The following NRG3 variants were observed in gnomAD, a reference collection of about 807,000 sequenced individuals.
The protein encoded by NRG3 is neuregulin 3.
NRG3 carries 31 observed loss-of-function variants against 66.9 expected under a neutral mutation model. The ratio of observed to expected loss-of-function variants is 0.46; its 90% CI spans 0.35 to 0.63. NRG3 has a LOEUF of 0.63. Among genes scored for constraint, NRG3 ranks in the 20% least tolerant of loss-of-function variants. The probability of loss-of-function intolerance (pLI) is 0.00; values close to 1 mark genes in which losing one functional copy is unlikely to be tolerated. For synonymous variants in NRG3, 393 were observed against 359.4 expected (o/e 1.09, Z -1.06); for missense variants, 910 against 878.9 (o/e 1.04, Z -0.45).
At position 81,875,782 on chromosome 10, in the gene NRG3, TC is replaced by T; in HGVS notation, c.444del (p.Arg149GlyfsTer10). The T allele has an allele frequency of 6.2e-7, 1 of 1,611,084 alleles. No homozygotes were observed. On this transcript the variant is annotated frameshift_variant, in exon 1 of 9. Transcript: ENST00000372141. LOFTEE classifies it high-confidence loss of function. This position sits in a 1 kb window ranked among gnomAD's most constrained non-coding sequence, Gnocchi z 5.3. The part of the protein sequence containing the change: ...ATPSAGGAAS[S>X]RTPNRISTRL... Reference sequence around the variant, plus strand: ...CCCCTCCGCCGGGGGTGCCGCCTCCTCCAGGACGCCCAACCGGATTAGCACT... The same window carrying T: ...CCCCTCCGCCGGGGGTGCCGCCTCCTCAGGACGCCCAACCGGATTAGCACT...
chr10:82,925,004 C>T (rs944322958), intron 4 of NRG3, among the ~76,000 whole-genome samples: 8 of 152,168 alleles, frequency 5.3e-5, no homozygotes, highest in Non-Finnish European at 1.2e-4. Flanking sequence ...ATGCCAGACA[C>T]AATGCTGAAA....
intron 1 of NRG3, among the ~76,000 whole-genome samples, chr10:82,282,317 T>C (rs1166176379): frequency 1.3e-5 from 2 of 152,088 alleles, no homozygotes; most frequent in Non-Finnish European, 2.9e-5. Context: ...AGGGTTTAGC[T>C]GACCTCTGGG....
intron 1 of NRG3, among the ~76,000 whole-genome samples, chr10:82,019,194 C>T (rs1201073176): frequency 6.6e-6 from 1 of 152,098 alleles, no homozygotes; most frequent in Non-Finnish European, 1.5e-5. Context: ...TTGAGATAAT[C>T]ATGTGGTTTT....
chr10:82,726,765 G>A (rs907143737), intron 2 of NRG3, among the ~76,000 whole-genome samples: 4 of 152,122 alleles, frequency 2.6e-5, no homozygotes, highest in African/African-American at 9.7e-5. Flanking sequence ...ACAAGCAGAG[G>A]TTGGAACAGT....
At chr10:82,899,841 G>A (rs3862554) in intron 4 of NRG3, among the ~76,000 whole-genome samples, 45,264 of 151,974 alleles carry the variant, frequency 0.3, 7,065 homozygotes, top group East Asian at 0.54. Flanking sequence ...AATAGTAGAA[G>A]GTAGAAGAAA....
chr10:82,692,460 C>T (rs2055013337), intron 2 of NRG3, among the ~76,000 whole-genome samples: 1 of 152,054 alleles, frequency 6.6e-6, no homozygotes, highest in Admixed American at 6.5e-5. Flanking sequence ...GTCTCAAGAC[C>T]AGGAAGAATT....
At chr10:81,980,083 T>C (rs2060278673) in intron 1 of NRG3, among the ~76,000 whole-genome samples, 1 of 152,254 alleles carries the variant, frequency 6.6e-6, no homozygotes. Context: ...TGAGTAAGGA[T>C]GTGATCTCAT....
Position 82,697,196 on chromosome 10 carries a change from A to G in NRG3, c.954-41381A>G, listed in dbSNP as rs78884343. ...TACTTACACCACTTTTTGTTGTTGA[A>G]TTCAATTGGCATAAAATGACAACAC... On this transcript the variant is annotated intron_variant, in intron 2 of 8. Coordinates refer to ENST00000372141, the MANE Select transcript of NRG3 (RefSeq NM_001010848.4). Among the ~76,000 whole-genome samples, 393 of 152,326 alleles carry G rather than the reference A, an allele frequency of 2.6e-3. 1 individual carries two copies. The highest frequency in any genetic ancestry group is 8.6e-3 in the African/African-American group (358 of 41,580).
At chr10:82,676,783 CTATT>C (rs1469018319) in intron 2 of NRG3, among the ~76,000 whole-genome samples, 1 of 151,874 alleles carries the variant, frequency 6.6e-6, no homozygotes, top group Non-Finnish European at 1.5e-5. Flanking sequence ...CGCCCAGCCT[CTATT>C]TGTTATTCTC....
chr10:82,954,767 G>A (rs1412702811), intron 5 of NRG3, among the ~76,000 whole-genome samples: 6 of 150,072 alleles, frequency 4.0e-5, no homozygotes, highest in Non-Finnish European at 5.9e-5. Context: ...ATTGCTAAAA[G>A]CAATATAGAT....
intron 2 of NRG3, among the ~76,000 whole-genome samples, chr10:82,403,721 G>A (rs1035248387): frequency 6.6e-6 from 1 of 152,108 alleles, no homozygotes. Flanking sequence ...TTTGTCGAGT[G>A]CTTGCTTTTG....
intron 3 of NRG3, among the ~76,000 whole-genome samples, chr10:82,782,073 T>G (rs1418266609): frequency 6.6e-6 from 1 of 152,156 alleles, no homozygotes; most frequent in African/African-American, 2.4e-5. Flanking sequence ...GTCATGCTAC[T>G]CTCTTTGCTT....
chr10:81,961,659 A>G (rs75582137), intron 1 of NRG3, among the ~76,000 whole-genome samples: 123 of 152,332 alleles, frequency 8.1e-4, no homozygotes, highest in Non-Finnish European at 1.4e-3. Flanking sequence ...GCAGGAGACA[A>G]TTGGAAAGGA....
chr10:81,995,852 T>C (rs1167837821), intron 1 of NRG3, among the ~76,000 whole-genome samples: 6 of 152,118 alleles, frequency 3.9e-5, no homozygotes, highest in Non-Finnish European at 8.8e-5. Flanking sequence ...ATATTGTTTG[T>C]TTTGTTTTGT....
intron 2 of NRG3, among the ~76,000 whole-genome samples, chr10:82,723,094 G>A (rs781481462): frequency 6.6e-6 from 1 of 152,084 alleles, no homozygotes; most frequent in African/African-American, 2.4e-5. Context: ...CAGTGGATTG[G>A]ATAAGAAAAA....
intron 4 of NRG3, among the ~76,000 whole-genome samples, chr10:82,940,477 A>G (rs938682858): frequency 2.0e-5 from 3 of 152,100 alleles, no homozygotes; most frequent in Non-Finnish European, 2.9e-5. Context: ...TCCTTTTACT[A>G]AGGACACAGT....
At chr10:82,827,450 T>C (rs1241831454) in intron 3 of NRG3, among the ~76,000 whole-genome samples, 1 of 152,110 alleles carries the variant, frequency 6.6e-6, no homozygotes, top group Non-Finnish European at 1.5e-5. Flanking sequence ...TGGAGCAGAA[T>C]GGGCCACCCT....
chr10:82,244,727 C>G (rs2077157988), intron 1 of NRG3, among the ~76,000 whole-genome samples: 1 of 151,976 alleles, frequency 6.6e-6, no homozygotes, highest in Admixed American at 6.6e-5. Context: ...AAGTGCATTA[C>G]AATTATTGAT....
intron 3 of NRG3, among the ~76,000 whole-genome samples, chr10:82,750,463 T>G (rs2058819680): frequency 6.6e-6 from 1 of 152,136 alleles, no homozygotes; most frequent in Non-Finnish European, 1.5e-5. Context: ...GACTACATTG[T>G]TGACAGTAGT....
Sources: allele counts gnomAD v4.1 joint callset (sites outside exome capture counted in the v4.1 genomes callset), GRCh38; gene constraint gnomAD v4.1.1; non-coding constraint Gnocchi (gnomAD v3.1); transcripts MANE v1.5; gene names NCBI Gene and HGNC (gene_info 2026-07-23, HGNC 2026-07-21).